Variants in LMNTD1 observed in about 807,000 individuals in gnomAD.
The protein encoded by LMNTD1 is lamin tail domain-containing protein 1.
A neutral mutation model predicts 50.9 loss-of-function variants in LMNTD1; 35 were observed. The observed-to-expected ratio is 0.69, with a 90% CI of 0.53 to 0.91. The LOEUF is 0.91. Among genes scored for constraint, LMNTD1 ranks in the 40% least tolerant of loss-of-function variants. The probability of loss-of-function intolerance (pLI) is 0.00; values close to 1 mark genes in which losing one functional copy is unlikely to be tolerated. For synonymous variants in LMNTD1, 153 were observed against 161.9 expected, an observed-to-expected ratio of 0.94 and a Z score of 0.42; for missense variants, 470 against 475.5, an observed-to-expected ratio of 0.99 and a Z score of 0.11.
At chr12:25,478,141 C>G (rs558337579) in intron 9 of LMNTD1, among the ~76,000 whole-genome samples, 10 of 152,246 alleles carry the variant, frequency 6.6e-5, no homozygotes, top group African/African-American at 2.4e-4. Flanking sequence ...TCTCCTTTGG[C>G]AACACCCTCA....
At chr12:25,612,909 C>T (rs1455027846) in intron 1 of LMNTD1, among the ~76,000 whole-genome samples, 2 of 152,054 alleles carry the variant, frequency 1.3e-5, no homozygotes, top group Non-Finnish European at 2.9e-5. Context: ...TGAGTGGGTC[C>T]TGTGATGTAG....
intron 4 of LMNTD1, among the ~76,000 whole-genome samples, chr12:25,533,099 T>C (rs1942334718): frequency 6.6e-6 from 1 of 152,202 alleles, no homozygotes; most frequent in South Asian, 2.1e-4. Flanking sequence ...ATAGAATAAA[T>C]GTTCTTGTCT....
intron 9 of LMNTD1, among the ~76,000 whole-genome samples, chr12:25,481,221 C>T (rs1938432617): frequency 6.6e-6 from 1 of 152,028 alleles, no homozygotes; most frequent in Admixed American, 6.5e-5. Flanking sequence ...CCTCCTTCAG[C>T]AGTTCCTTAT....
intron 4 of LMNTD1, among the ~76,000 whole-genome samples, chr12:25,538,246 C>A (rs11536014): frequency 0.43 from 25,704 of 60,190 alleles, 6,263 homozygotes; most frequent in Non-Finnish European, 0.51. Flanking sequence ...CTCCTCGAGA[C>A]GAGCAACTCC....
chr12:25,584,472 T>A (rs959088501), intron 1 of LMNTD1, among the ~76,000 whole-genome samples: 1 of 152,188 alleles, frequency 6.6e-6, no homozygotes, highest in African/African-American at 2.4e-5. Flanking sequence ...CTTTCGAGAA[T>A]TGACTTCTAA....
chr12:25,560,391 C>T (rs1232653408), intron 1 of LMNTD1, among the ~76,000 whole-genome samples: 1 of 152,094 alleles, frequency 6.6e-6, no homozygotes, highest in East Asian at 1.9e-4. Context: ...TGTTCTGTTC[C>T]ATTGATCTAT....
At chr12:25,540,668 G>C (rs1942999486) in intron 4 of LMNTD1, among the ~76,000 whole-genome samples, 1 of 141,052 alleles carries the variant, frequency 7.1e-6, no homozygotes, top group African/African-American at 2.6e-5. Flanking sequence ...ACTGGCACAA[G>C]ACAGGGATGC....
intron 1 of LMNTD1, among the ~76,000 whole-genome samples, chr12:25,642,323 C>T (rs1228227693): frequency 1.3e-5 from 2 of 152,224 alleles, no homozygotes; most frequent in East Asian, 3.9e-4. Context: ...GAGGGTTGAG[C>T]CCCCATAATG....
chr12:25,502,151 A>C (rs2135941799), intron 9 of LMNTD1, among the ~76,000 whole-genome samples: 1 of 152,332 alleles, frequency 6.6e-6, no homozygotes, highest in South Asian at 2.1e-4. Flanking sequence ...CGAAGGCTAA[A>C]AACCTCTGCC....
At chr12:25,593,836 G>T (rs1225973808) in intron 1 of LMNTD1, among the ~76,000 whole-genome samples, 2 of 150,932 alleles carry the variant, frequency 1.3e-5, no homozygotes, top group Non-Finnish European at 1.5e-5. Flanking sequence ...GAAGTGAAGG[G>T]AGAAATATTT....
chr12:25,556,426 A>G (rs1226268496), upstream of LMNTD1, among the ~76,000 whole-genome samples: 1 of 152,190 alleles, frequency 6.6e-6, no homozygotes, highest in Non-Finnish European at 1.5e-5. Flanking sequence ...TCATCCATCT[A>G]TTAGAGAGAC....
At chr12:25,478,764 C>T (rs1938349976) in intron 9 of LMNTD1, among the ~76,000 whole-genome samples, 1 of 152,052 alleles carries the variant, frequency 6.6e-6, no homozygotes, top group African/African-American at 2.4e-5. Flanking sequence ...CCAGTCTGGG[C>T]AACAAGAGCG....
At chr12:25,571,070 C>G (rs1205571487) in intron 1 of LMNTD1, among the ~76,000 whole-genome samples, 1 of 152,192 alleles carries the variant, frequency 6.6e-6, no homozygotes, top group East Asian at 1.9e-4. Flanking sequence ...GTTTAATGAT[C>G]TGTTGTTGCT....
At chr12:25,548,690 C>T (rs571377224) in intron 3 of LMNTD1, among the ~76,000 whole-genome samples, 3 of 151,814 alleles carry the variant, frequency 2.0e-5, no homozygotes, top group Non-Finnish European at 4.4e-5. Context: ...CAGTAAACCA[C>T]GGAAACACAC....
chr12:25,503,710 A>T, intron 9 of LMNTD1, 28 bp downstream of exon 9: 1 of 1,244,990 alleles, frequency 8.0e-7, no homozygotes. Flanking sequence ...TTCTGTGGAG[A>T]AAGCAAATTT....
chr12:25,610,020 A>T (rs889431663), intron 1 of LMNTD1, among the ~76,000 whole-genome samples: 2 of 152,110 alleles, frequency 1.3e-5, no homozygotes, highest in Non-Finnish European at 2.9e-5. Flanking sequence ...CTTTCTGGCT[A>T]CTTTGTTTAC....
At chr12:25,539,028 C>T (rs1484362494) in intron 4 of LMNTD1, among the ~76,000 whole-genome samples, 1 of 151,544 alleles carries the variant, frequency 6.6e-6, no homozygotes, top group Non-Finnish European at 1.5e-5. Flanking sequence ...AGCTAACTAT[C>T]CTAAATATAT....
At chr12:25,579,044 C>T (rs112708445) in intron 1 of LMNTD1, among the ~76,000 whole-genome samples, 1 of 152,092 alleles carries the variant, frequency 6.6e-6, no homozygotes, top group African/African-American at 2.4e-5. Flanking sequence ...AAGCACTAAC[C>T]TAATCCATGT....
Position 25,626,448 on chromosome 12 carries a change from A to G in LMNTD1, c.58+22046T>C, listed in dbSNP as rs184957906. ...GATTTGAAAATGCTGGTTATCAATG[A>G]TATTTTCCCTTATGCATTATAAATA... On this transcript the variant is annotated intron_variant, in intron 1 of 7. Coordinates refer to the LMNTD1 transcript ENST00000445693. Among the ~76,000 whole-genome samples, 447 of 152,244 alleles carry G rather than the reference A, an allele frequency of 2.9e-3. 2 individuals carry two copies. Among genetic ancestry groups the G allele is most frequent in the African/African-American group, 0.01 (430 of 41,538 alleles).
Sources: allele counts gnomAD v4.1 joint callset (sites outside exome capture counted in the v4.1 genomes callset), GRCh38; gene constraint gnomAD v4.1.1; transcripts MANE v1.5; gene names NCBI Gene and HGNC (gene_info 2026-07-23, HGNC 2026-07-21).